Variants in KCNC2 observed in about 807,000 individuals in gnomAD.
The protein encoded by KCNC2 is voltage-gated potassium channel KCNC2.
Under a neutral mutation model 44.5 loss-of-function variants are expected in KCNC2, and 21 were observed. The ratio of observed to expected loss-of-function variants is 0.47; its 90% CI spans 0.33 to 0.68. The LOEUF (loss-of-function observed/expected upper bound fraction) is 0.68. KCNC2 is among the 30% of genes least tolerant of loss of function. The probability of loss-of-function intolerance (pLI) is 0.01; values close to 1 mark genes in which losing one functional copy is unlikely to be tolerated. For missense variants in KCNC2, 589 were observed against 826.2 expected, an observed-to-expected ratio of 0.71 and a Z score of 3.52; for synonymous variants, 391 against 339.1, an observed-to-expected ratio of 1.15 and a Z score of -1.68.
intron 2 of KCNC2, among the ~76,000 whole-genome samples, chr12:75,098,804 C>T (rs1886146097): frequency 6.6e-6 from 1 of 150,762 alleles, no homozygotes. Context: ...GATATCTCAG[C>T]AATCACACTG....
intron 2 of KCNC2, among the ~76,000 whole-genome samples, chr12:75,181,491 G>T (rs559270854): frequency 6.6e-6 from 1 of 152,068 alleles, no homozygotes; most frequent in East Asian, 1.9e-4. Context: ...TAAGTATACC[G>T]CACCTTCCCC....
chr12:75,185,043 A>G (rs1593051891), intron 2 of KCNC2, among the ~76,000 whole-genome samples: 2 of 152,306 alleles, frequency 1.3e-5, no homozygotes, highest in South Asian at 4.1e-4. Context: ...ACGCAGAATG[A>G]AATTTAAAAT....
At chr12:75,197,279 T>A (rs186638455) in intron 2 of KCNC2, among the ~76,000 whole-genome samples, 17 of 152,150 alleles carry the variant, frequency 1.1e-4, no homozygotes, top group Non-Finnish European at 2.4e-4. Context: ...CTCCCTGTTC[T>A]CTCAAGCCTG....
intron 2 of KCNC2, among the ~76,000 whole-genome samples, chr12:75,103,508 C>T (rs930187012): frequency 6.6e-6 from 1 of 152,130 alleles, no homozygotes; most frequent in African/African-American, 2.4e-5. Flanking sequence ...TGCTGGATGC[C>T]TATATCTTTT....
intron 2 of KCNC2, among the ~76,000 whole-genome samples, chr12:75,088,548 A>G (rs965599176): frequency 6.6e-6 from 1 of 152,066 alleles, no homozygotes; most frequent in Non-Finnish European, 1.5e-5. Flanking sequence ...AGATAGAGCA[A>G]CCATAGATCT....
chr12:75,149,412 TTA>T (rs1890238097), intron 2 of KCNC2, among the ~76,000 whole-genome samples: 1 of 151,872 alleles, frequency 6.6e-6, no homozygotes, highest in East Asian at 1.9e-4. Flanking sequence ...CCAAAAAATG[TTA>T]TGTAACCTGA....
chr12:75,139,088 G>T (rs1362971204), intron 2 of KCNC2, among the ~76,000 whole-genome samples: 1 of 150,198 alleles, frequency 6.7e-6, no homozygotes, highest in Non-Finnish European at 1.5e-5. Context: ...AAATGCCAAA[G>T]AATTGAAGGC....
intron 2 of KCNC2, among the ~76,000 whole-genome samples, chr12:75,076,032 G>A (rs112927470): frequency 5.9e-5 from 7 of 118,922 alleles, no homozygotes; most frequent in African/African-American, 2.2e-4. Flanking sequence ...CCTTATTAAT[G>A]TTACATACAC....
At chr12:75,206,135 G>A (rs12368379) in intron 2 of KCNC2, among the ~76,000 whole-genome samples, 7 of 152,118 alleles carry the variant, frequency 4.6e-5, no homozygotes, top group Non-Finnish European at 1.0e-4. Context: ...TAACGTCTCA[G>A]ATGCAGACAC....
intron 2 of KCNC2, among the ~76,000 whole-genome samples, chr12:75,104,429 T>C (rs1048189841): frequency 1.4e-4 from 21 of 152,076 alleles, no homozygotes; most frequent in African/African-American, 5.1e-4. Context: ...ACTAACTGGG[T>C]GTAACTGTAA....
At chr12:75,152,771 G>A (rs1286560108) in intron 2 of KCNC2, among the ~76,000 whole-genome samples, 1 of 151,862 alleles carries the variant, frequency 6.6e-6, no homozygotes, top group Non-Finnish European at 1.5e-5. Flanking sequence ...AGAATTCTAA[G>A]GTATTTGATT....
chr12:75,170,781 T>G (rs1305989753), intron 2 of KCNC2, among the ~76,000 whole-genome samples: 1 of 151,746 alleles, frequency 6.6e-6, no homozygotes, highest in Non-Finnish European at 1.5e-5. Context: ...TCTCCACGTT[T>G]CAGGGCAACA....
intron 2 of KCNC2, among the ~76,000 whole-genome samples, chr12:75,082,874 A>G (rs1360292427): frequency 6.6e-6 from 1 of 151,786 alleles, no homozygotes; most frequent in Non-Finnish European, 1.5e-5. Flanking sequence ...AGAGACAGAA[A>G]TAAGTCTGTA....
intron 2 of KCNC2, among the ~76,000 whole-genome samples, chr12:75,184,238 C>T (rs1262973000): frequency 2.0e-5 from 3 of 152,114 alleles, no homozygotes; most frequent in Admixed American, 1.3e-4. Context: ...AACACAGAGT[C>T]TTCCGTTTTG....
chr12:75,152,983 G>A (rs1291303823), intron 2 of KCNC2, among the ~76,000 whole-genome samples: 1 of 151,994 alleles, frequency 6.6e-6, no homozygotes, highest in Admixed American at 6.6e-5. Flanking sequence ...GGTTGGGGGC[G>A]ACGTGAAAAG....
intron 2 of KCNC2, among the ~76,000 whole-genome samples, chr12:75,192,091 G>T (rs2030335105): frequency 6.6e-6 from 1 of 152,138 alleles, no homozygotes; most frequent in East Asian, 1.9e-4. Flanking sequence ...TACAGCATTT[G>T]TTTGATGAAG....
At chr12:75,127,601 T>C (rs760066773) in intron 2 of KCNC2, among the ~76,000 whole-genome samples, 12 of 152,134 alleles carry the variant, frequency 7.9e-5, no homozygotes, top group Admixed American at 3.3e-4. Context: ...GAATAAAAAC[T>C]AGACTTGGTA....
In KCNC2 at chr12:75,207,632, A is replaced by G. The variant is rs1489659228; in HGVS notation, c.352T>C (p.Tyr118His). Reference protein sequence around the residue: ...PGVFAYVLNYYRTGKLHCPAD... With the variant: ...PGVFAYVLNYHRTGKLHCPAD... ...GGGCAGTGCAGCTTGCCGGTGCGGTAGTAATTGAGCACATAGGCGAAGACG... is the reference window on the plus strand; with the variant it reads ...GGGCAGTGCAGCTTGCCGGTGCGGTGGTAATTGAGCACATAGGCGAAGACG... Residue 118 changes from tyrosine to histidine, a missense_variant, in exon 2 of 5, where the codon TAC becomes CAC. By Grantham distance (83) the Tyr-to-His change is moderately conservative. Transcript: ENST00000549446. The surrounding 1 kb of genome is among the most constrained non-coding windows in gnomAD (Gnocchi z 4.1). 6.2e-7 allele frequency: 1 copy of G among 1,611,788 alleles called. No homozygotes were observed. The highest frequency in any genetic ancestry group is 1.3e-5 in the African/African-American group (1 of 74,824).
At chr12:75,120,486 T>C (rs541067325) in intron 2 of KCNC2, among the ~76,000 whole-genome samples, 5 of 152,350 alleles carry the variant, frequency 3.3e-5, no homozygotes, top group Non-Finnish European at 7.3e-5. Context: ...CAGTTCTTTA[T>C]ACTGCTGGAA....
Sources: gnomAD v4.1 joint callset for allele counts (sites outside exome capture counted in the v4.1 genomes callset) on GRCh38, gnomAD v4.1.1 for gene constraint, Gnocchi (gnomAD v3.1) non-coding constraint, MANE v1.5 for transcripts, NCBI Gene and HGNC (gene_info 2026-07-23, HGNC 2026-07-21) for gene names.